Variants in MYO10 observed in about 807,000 individuals in gnomAD.
MYO10 encodes unconventional myosin-X.
Under a neutral mutation model 257.3 loss-of-function variants are expected in MYO10, and 133 were observed. The ratio of observed to expected loss-of-function variants is 0.52; its 90% CI spans 0.45 to 0.60. MYO10 has a LOEUF of 0.60. Among genes scored for constraint, MYO10 ranks in the 20% least tolerant of loss-of-function variants. The probability of loss-of-function intolerance (pLI) is 0.00; values close to 1 mark genes in which losing one functional copy is unlikely to be tolerated. For missense variants in MYO10, 2,399 were observed against 2,635.7 expected (o/e 0.91, Z 1.97); for synonymous variants, 1,104 against 1,028.6 (o/e 1.07, Z -1.40).
chr5:16,700,809 G>A (rs191435248), intron 25 of MYO10, among the ~76,000 whole-genome samples, 154 bp downstream of exon 25: 1 of 152,332 alleles, frequency 6.6e-6, no homozygotes, highest in Admixed American at 6.5e-5. Flanking sequence ...ATTGGCTTAT[G>A]GAATAAGCAA....
rs543051111 is a variant in MYO10, at chr5:16,771,015, AC to A, written c.931-1813del. On this transcript the variant is annotated intron_variant, in intron 9 of 40. Transcript: ENST00000513610. ...ACTCCCAACCTCAAGTGATATGCCC[AC>A]CTTGGCTTCCCAAAGTGCCAGGATT... Among the ~76,000 whole-genome samples, 161 of 152,266 alleles carry A rather than the reference AC, an allele frequency of 1.1e-3. 1 individual carries two copies. Among genetic ancestry groups the A allele is most frequent in the African/African-American group, 3.8e-3 (158 of 41,560 alleles).
chr5:16,868,148 C>T (rs1744336902), intron 2 of MYO10, among the ~76,000 whole-genome samples: 1 of 152,216 alleles, frequency 6.6e-6, no homozygotes, highest in Non-Finnish European at 1.5e-5. Context: ...GGTGAAAAAT[C>T]TAATTTAAAA....
intron 37 of MYO10, 59 bp from the exon 38 acceptor site, chr5:16,671,601 G>A (rs879083807): frequency 8.8e-6 from 14 of 1,598,984 alleles, no homozygotes; most frequent in Non-Finnish European, 1.1e-5. Flanking sequence ...TCAGTGACCC[G>A]CAGGGACCTG....
intron 2 of MYO10, among the ~76,000 whole-genome samples, chr5:16,855,356 C>T (rs1342168469): frequency 2.0e-5 from 3 of 152,136 alleles, no homozygotes; most frequent in South Asian, 2.1e-4. Context: ...AGTCTACACT[C>T]GCTGGTGCTA....
intron 1 of MYO10, among the ~76,000 whole-genome samples, chr5:16,900,936 C>T (rs1197238645): frequency 6.6e-6 from 1 of 152,134 alleles, no homozygotes; most frequent in Non-Finnish European, 1.5e-5. Flanking sequence ...GACGAAGTTT[C>T]ACCATGTTGG....
intron 26 of MYO10, among the ~76,000 whole-genome samples, chr5:16,696,950 A>C (rs1050992321): frequency 3.3e-5 from 5 of 152,190 alleles, no homozygotes; most frequent in African/African-American, 1.2e-4. Context: ...GAGGAATGGG[A>C]ATTATATATT....
At chr5:16,687,298 G>A (rs780252383) in intron 28 of MYO10, among the ~76,000 whole-genome samples, 3 of 151,652 alleles carry the variant, frequency 2.0e-5, no homozygotes, top group Non-Finnish European at 4.4e-5. Flanking sequence ...TCCAGCCTGG[G>A]TGACAGAGCA....
Position 16,674,844 on chromosome 5 carries a change from A to G in MYO10, c.4964+9T>C. ...TGCCCAGCTCATCTCCCGTGCCCCCATGCTTTACCTTTTCAGATGGAACTT... is the reference window on the plus strand; with the variant it reads ...TGCCCAGCTCATCTCCCGTGCCCCCGTGCTTTACCTTTTCAGATGGAACTT... On this transcript the variant is annotated intron_variant, in intron 35 of 40. Coordinates refer to ENST00000513610, the MANE Select transcript of MYO10 (RefSeq NM_012334.3). 1.2e-6 allele frequency: 2 copies of G among 1,613,594 alleles called. No individual in the cohort carries two copies. The highest frequency in any genetic ancestry group is 1.7e-6 in the Non-Finnish European group (2 of 1,179,752).
rs1307330058 is a variant in MYO10 at position 16,860,874 on chromosome 5, C to T, written c.120+16735G>A. Among the ~76,000 whole-genome samples, 3 of 151,886 alleles carry T rather than the reference C, an allele frequency of 2.0e-5. No individual in the cohort carries two copies. The East Asian group carries it at 5.8e-4, about 29-fold the overall frequency. ...ATGGCCAAAAAGGAGCTGATTACTA[C>T]CTAGGAAAAACAAAGGCCTCGTTAG... On this transcript the variant is annotated intron_variant, in intron 2 of 40. Coordinates refer to ENST00000513610, the MANE Select transcript of MYO10 (RefSeq NM_012334.3).
chr5:16,909,411 C>T (rs1745599348), intron 1 of MYO10, among the ~76,000 whole-genome samples: 1 of 150,304 alleles, frequency 6.7e-6, no homozygotes, highest in Admixed American at 6.8e-5. Context: ...GAGGCTGAGG[C>T]AGCAGAATCG....
intron 19 of MYO10, among the ~76,000 whole-genome samples, chr5:16,744,081 A>C (rs540094234): frequency 7.9e-5 from 12 of 152,268 alleles, no homozygotes; most frequent in African/African-American, 2.2e-4. Context: ...CTAAAGGAAA[A>C]ACTTTTTTAA....
chr5:16,822,923 G>A (rs566984327), intron 2 of MYO10, among the ~76,000 whole-genome samples: 2 of 151,476 alleles, frequency 1.3e-5, no homozygotes, highest in Non-Finnish European at 3.0e-5. Context: ...TCCTGACCTC[G>A]TGATCCGCCC....
chr5:16,876,300 T>C (rs183657088), intron 2 of MYO10, among the ~76,000 whole-genome samples: 38 of 152,288 alleles, frequency 2.5e-4, no homozygotes, highest in South Asian at 2.1e-3. Flanking sequence ...ATCATCAGAA[T>C]ATAATCAAGC....
At chr5:16,816,576 G>A (rs1307216775) in intron 3 of MYO10, among the ~76,000 whole-genome samples, 2 of 150,886 alleles carry the variant, frequency 1.3e-5, no homozygotes, top group East Asian at 2.0e-4. Flanking sequence ...CTGTCGCCTG[G>A]TTGGAGTGCA....
chr5:16,879,772 C>T (rs1160890807), intron 1 of MYO10, among the ~76,000 whole-genome samples: 1 of 152,198 alleles, frequency 6.6e-6, no homozygotes, highest in African/African-American at 2.4e-5. Context: ...TGTTATCACA[C>T]GTAACTATTT....
chr5:16,710,784 C>T (rs984953274), intron 21 of MYO10, 124 bp downstream of exon 21: 13 of 784,670 alleles, frequency 1.7e-5, no homozygotes, highest in Non-Finnish European at 2.5e-5. Context: ...GGCATGGCAA[C>T]AGGAGTATCT....
At chr5:16,743,946 G>A (rs1740098051) in intron 19 of MYO10, among the ~76,000 whole-genome samples, 1 of 152,092 alleles carries the variant, frequency 6.6e-6, no homozygotes, top group Admixed American at 6.6e-5. Flanking sequence ...TGGTGGAGGG[G>A]GGCAGTGTGG....
At chr5:16,694,635 TAG>T in intron 26 of MYO10, 21 bp from the exon 27 acceptor site, 2 of 1,611,042 alleles carry the variant, frequency 1.2e-6, no homozygotes, top group African/African-American at 1.3e-5. Flanking sequence ...TGAGATTGGG[TAG>T]AGAGGGGTGA....
intron 6 of MYO10, among the ~76,000 whole-genome samples, chr5:16,781,026 A>G (rs981768984): frequency 6.6e-6 from 1 of 152,140 alleles, no homozygotes; most frequent in African/African-American, 2.4e-5. Context: ...GTTTCAGATT[A>G]TGGAAATTAT....
Sources: gnomAD v4.1 joint callset for allele counts (sites outside exome capture counted in the v4.1 genomes callset) on GRCh38, gnomAD v4.1.1 for gene constraint, MANE v1.5 for transcripts, NCBI Gene and HGNC (gene_info 2026-07-23, HGNC 2026-07-21) for gene names.